HOMER2: variants seen among roughly 807,000 people sequenced by gnomAD.
HOMER2 encodes homer protein homolog 2.
A neutral mutation model predicts 47.0 loss-of-function variants in HOMER2; 27 were observed. That is an observed-to-expected ratio of 0.57 (90% CI 0.42 to 0.79). HOMER2 has a LOEUF of 0.79. Ranked by LOEUF, HOMER2 falls within the 30% of genes least tolerant of loss-of-function variation. HOMER2 has a pLI of 0.00. For synonymous variants in HOMER2, 161 were observed against 163.8 expected (o/e 0.98, Z 0.13); for missense variants, 443 against 435.0 (o/e 1.02, Z -0.16).
intron 1 of HOMER2, among the ~76,000 whole-genome samples, chr15:82,976,899 C>T (rs1461187459): frequency 6.6e-6 from 1 of 151,952 alleles, no homozygotes; most frequent in South Asian, 2.1e-4. Context: ...TGGTCTCAAG[C>T]TCCTGACCTC....
chr15:82,921,391 C>G (rs963566118), intron 1 of HOMER2, among the ~76,000 whole-genome samples: 1 of 152,206 alleles, frequency 6.6e-6, no homozygotes, highest in African/African-American at 2.4e-5. Context: ...TCCTCCTCCC[C>G]TTCCGGACTC....
At chr15:82,903,862 C>A (rs2053206827) in intron 1 of HOMER2, among the ~76,000 whole-genome samples, 1 of 151,888 alleles carries the variant, frequency 6.6e-6, no homozygotes, top group African/African-American at 2.4e-5. Context: ...GGGGGCTGGG[C>A]ATGGTGGCTC....
At chr15:82,893,014 G>A (rs1353204876) in intron 1 of HOMER2, among the ~76,000 whole-genome samples, 173 bp from the exon 2 acceptor site, 1 of 152,146 alleles carries the variant, frequency 6.6e-6, no homozygotes, top group Non-Finnish European at 1.5e-5. Context: ...AGACACCAGT[G>A]AGTAGTTTTT....
chr15:82,960,021 A>C (rs1244754901), intron 1 of HOMER2, among the ~76,000 whole-genome samples: 1 of 152,176 alleles, frequency 6.6e-6, no homozygotes, highest in Non-Finnish European at 1.5e-5. Context: ...GCACAACGAG[A>C]AGGTGCCTGT....
At chr15:82,984,831 C>T (rs1281773610) in intron 1 of HOMER2, among the ~76,000 whole-genome samples, 1 of 151,954 alleles carries the variant, frequency 6.6e-6, no homozygotes, top group Admixed American at 6.6e-5. Context: ...AACAAACAAA[C>T]AAACAAACAA....
At chr15:82,873,067 TAAG>T (rs2052229428) in intron 3 of HOMER2, among the ~76,000 whole-genome samples, 1 of 152,238 alleles carries the variant, frequency 6.6e-6, no homozygotes, top group Non-Finnish European at 1.5e-5. Context: ...TCAAAAGACT[TAAG>T]GACACACTGG....
At chr15:82,949,366 T>G (rs1567072010) in intron 1 of HOMER2, among the ~76,000 whole-genome samples, 1 of 151,950 alleles carries the variant, frequency 6.6e-6, no homozygotes, top group Non-Finnish European at 1.5e-5. Flanking sequence ...AACCCCATGA[T>G]TAGGAGTAAG....
chr15:82,903,713 A>C (rs1223002358), intron 1 of HOMER2, among the ~76,000 whole-genome samples: 1 of 151,992 alleles, frequency 6.6e-6, no homozygotes. Flanking sequence ...GCTGAACAAG[A>C]CTGGGCGCAG....
rs80113697 is a variant in HOMER2 at position 82,841,198 on chromosome 15, T to C, written c.*6076A>G. 3.3e-5 allele frequency: 5 copies of C among 152,144 alleles called. No individual in the cohort carries two copies. The East Asian group carries it at 9.6e-4, about 29-fold the overall frequency. 9.4% of individuals were successfully genotyped at this position (152,144 alleles called of 1,614,324 possible). Reference sequence around the variant, plus strand: ...AAATCTACTATGGACCAACCAATCATAAATAACCACTGTTAACATTGAAAG... The same window carrying C: ...AAATCTACTATGGACCAACCAATCACAAATAACCACTGTTAACATTGAAAG... On this transcript the variant is annotated 3_prime_UTR_variant, in exon 2 of 2. Transcript: ENST00000558090.
upstream of HOMER2, among the ~76,000 whole-genome samples, chr15:82,957,088 C>A (rs2054594005): frequency 6.6e-6 from 1 of 152,120 alleles, no homozygotes. Context: ...ACCAGCCTGA[C>A]CAACATGGTG....
intron 1 of HOMER2, among the ~76,000 whole-genome samples, chr15:82,923,565 G>A (rs905991574): frequency 6.6e-6 from 1 of 151,850 alleles, no homozygotes; most frequent in African/African-American, 2.4e-5. Context: ...GGCTCAGAGT[G>A]ACCAGCTCCT....
chr15:82,940,370 C>T (rs2054235987), intron 1 of HOMER2, among the ~76,000 whole-genome samples: 1 of 152,156 alleles, frequency 6.6e-6, no homozygotes, highest in Admixed American at 6.5e-5. Context: ...GAAAGACCTG[C>T]AAGGCGGGAG....
chr15:82,878,926 A>T (rs191182970), intron 2 of HOMER2, among the ~76,000 whole-genome samples: 428 of 152,222 alleles, frequency 2.8e-3, no homozygotes, highest in Admixed American at 5.6e-3. Context: ...CATGCTGGCC[A>T]TGCACAATAT....
chr15:82,897,920 G>A (rs1266124949), intron 1 of HOMER2, among the ~76,000 whole-genome samples: 1 of 152,188 alleles, frequency 6.6e-6, no homozygotes, highest in African/African-American at 2.4e-5. Context: ...AGCTATACCA[G>A]ACTCCAGACA....
At chr15:82,861,886 T>TGA (rs1413000686) in intron 4 of HOMER2, among the ~76,000 whole-genome samples, 9 of 151,986 alleles carry the variant, frequency 5.9e-5, no homozygotes, top group African/African-American at 2.2e-4. Context: ...GGCGCATGCT[T>TGA]GTAATCCCAG....
chr15:82,907,168 C>G (rs2151138714), intron 1 of HOMER2, among the ~76,000 whole-genome samples: 1 of 152,198 alleles, frequency 6.6e-6, no homozygotes, highest in East Asian at 1.9e-4. Flanking sequence ...CTAGGCTGGC[C>G]AACATGGTGA....
At chr15:82,930,577 C>G (rs2151194258) in intron 1 of HOMER2, among the ~76,000 whole-genome samples, 1 of 152,292 alleles carries the variant, frequency 6.6e-6, no homozygotes, top group Middle Eastern at 3.4e-3. Flanking sequence ...AAACCACTGC[C>G]AATACTATAG....
intron 1 of HOMER2, among the ~76,000 whole-genome samples, chr15:82,961,121 C>A (rs2054627448): frequency 6.6e-6 from 1 of 152,238 alleles, no homozygotes; most frequent in South Asian, 2.1e-4. Flanking sequence ...CCCGCAGGGT[C>A]TCCAGGAGTT....
upstream of HOMER2, among the ~76,000 whole-genome samples, chr15:82,953,326 A>G (rs1359923374): frequency 6.6e-6 from 1 of 152,114 alleles, no homozygotes; most frequent in Non-Finnish European, 1.5e-5. Context: ...GAGGGCTCCC[A>G]CTTGAAGGGG....
Sources: gnomAD v4.1 joint callset for allele counts (sites outside exome capture counted in the v4.1 genomes callset) on GRCh38, gnomAD v4.1.1 for gene constraint, MANE v1.5 for transcripts, NCBI Gene and HGNC (gene_info 2026-07-23, HGNC 2026-07-21) for gene names.